The following FBN1 variants were observed in gnomAD, a reference collection of about 807,000 sequenced individuals.
FBN1 encodes fibrillin-1.
A neutral mutation model predicts 365.1 loss-of-function variants in FBN1; 29 were observed. That is an observed-to-expected ratio of 0.08 (90% confidence interval 0.06 to 0.11). The LOEUF (loss-of-function observed/expected upper bound fraction) is 0.11, where lower values mean the gene tolerates loss of function less well. Among genes scored for constraint, FBN1 ranks in the 10% least tolerant of loss-of-function variants. The probability of loss-of-function intolerance (pLI) is 1.00; values close to 1 mark genes in which losing one functional copy is unlikely to be tolerated. For synonymous variants in FBN1, 1,210 were observed against 1,270.5 expected, an observed-to-expected ratio of 0.95 and a Z score of 1.01; for missense variants, 2,476 against 3,703.2, an observed-to-expected ratio of 0.67 and a Z score of 8.60.
intron 42 of FBN1, among the ~76,000 whole-genome samples, chr15:48,461,621 A>T (rs1352501526): frequency 1.3e-5 from 2 of 152,194 alleles, no homozygotes; most frequent in East Asian, 1.9e-4. Flanking sequence ...CATAAGCTTC[A>T]GATTTTTTAC....
intron 41 of FBN1, 83 bp downstream of exon 41, chr15:48,463,816 C>T (rs2043299316): frequency 1.4e-6 from 2 of 1,439,252 alleles, no homozygotes; most frequent in South Asian, 2.4e-5. Context: ...AGTAACATCA[C>T]CCTAAGGTGA....
intron 38 of FBN1, among the ~76,000 whole-genome samples, chr15:48,466,526 A>G (rs544418774): frequency 6.6e-6 from 1 of 152,230 alleles, no homozygotes; most frequent in African/African-American, 2.4e-5. Context: ...GGACATGTGA[A>G]TAAGAATGTC....
intron 6 of FBN1, among the ~76,000 whole-genome samples, chr15:48,577,258 G>A (rs2044355707): frequency 6.6e-6 from 1 of 152,114 alleles, no homozygotes; most frequent in Admixed American, 6.6e-5. Flanking sequence ...CCTCCTGTGA[G>A]CACTTGCTGT....
At chr15:48,598,658 C>A (rs2044534437) in intron 5 of FBN1, among the ~76,000 whole-genome samples, 1 of 152,276 alleles carries the variant, frequency 6.6e-6, no homozygotes, top group East Asian at 1.9e-4. Flanking sequence ...AAGGTCCATT[C>A]CCCATCACCT....
chr15:48,545,959 G>A (rs549419370), intron 6 of FBN1, among the ~76,000 whole-genome samples: 2 of 152,088 alleles, frequency 1.3e-5, no homozygotes, highest in South Asian at 2.1e-4. Context: ...AGTGAGCCGC[G>A]ATCACACCAC....
At chr15:48,421,419 G>A in intron 62 of FBN1, 139 bp downstream of exon 62, 1 of 965,908 alleles carries the variant, frequency 1.0e-6, no homozygotes, top group Non-Finnish European at 1.6e-6. Flanking sequence ...TACAGGACCT[G>A]TGCACACTAT....
intron 8 of FBN1, among the ~76,000 whole-genome samples, chr15:48,528,297 A>G (rs2043933915): frequency 6.6e-6 from 1 of 152,222 alleles, no homozygotes; most frequent in Non-Finnish European, 1.5e-5. Context: ...TGGGGGAAAC[A>G]TCTTTTCCAT....
intron 5 of FBN1, 145 bp from the exon 6 acceptor site, chr15:48,596,523 A>C (rs967810941): frequency 4.0e-6 from 3 of 744,674 alleles, no homozygotes; most frequent in Non-Finnish European, 7.0e-6. Flanking sequence ...AGTTACACAT[A>C]CTCAGATATT....
At chr15:48,570,150 C>A (rs1483118980) in intron 6 of FBN1, among the ~76,000 whole-genome samples, 1 of 152,188 alleles carries the variant, frequency 6.6e-6, no homozygotes, top group Non-Finnish European at 1.5e-5. Context: ...CTTACACTCA[C>A]TGGATAAGTA....
intron 6 of FBN1, among the ~76,000 whole-genome samples, chr15:48,541,359 CAA>C (rs957202624): frequency 2.0e-5 from 3 of 152,078 alleles, no homozygotes; most frequent in African/African-American, 7.2e-5. Flanking sequence ...ATTTTGGAAA[CAA>C]ATTCAAACTG....
intron 15 of FBN1, 51 bp from the exon 16 acceptor site, chr15:48,505,198 T>TC: frequency 3.1e-6 from 5 of 1,609,046 alleles, no homozygotes; most frequent in Non-Finnish European, 4.3e-6. Flanking sequence ...TTATCTAAAA[T>TC]TATAACATGT....
chr15:48,582,707 G>A (rs1262412469), intron 6 of FBN1, among the ~76,000 whole-genome samples: 1 of 152,142 alleles, frequency 6.6e-6, no homozygotes, highest in Non-Finnish European at 1.5e-5. Flanking sequence ...AATGTTTGAC[G>A]CCTAAACAAA....
intron 45 of FBN1, among the ~76,000 whole-genome samples, chr15:48,449,369 A>G (rs1258776782): frequency 6.6e-6 from 1 of 152,174 alleles, no homozygotes; most frequent in Non-Finnish European, 1.5e-5. Context: ...CTGCTTGTTC[A>G]AGTTGCATCT....
chr15:48,435,972 T>C (rs2043069326), intron 53 of FBN1, among the ~76,000 whole-genome samples: 1 of 152,032 alleles, frequency 6.6e-6, no homozygotes, highest in South Asian at 2.1e-4. Flanking sequence ...TGTCAACAGT[T>C]GTTTCTTGTG....
intron 6 of FBN1, among the ~76,000 whole-genome samples, chr15:48,556,835 C>A (rs1477326169): frequency 6.6e-6 from 1 of 152,112 alleles, no homozygotes; most frequent in Non-Finnish European, 1.5e-5. Flanking sequence ...ATGTGAAATA[C>A]CTGTAATTGT....
intron 36 of FBN1, among the ~76,000 whole-genome samples, chr15:48,469,217 C>T (rs995544222): frequency 3.7e-5 from 5 of 133,896 alleles, no homozygotes; most frequent in African/African-American, 8.8e-5. Context: ...GTTGTGACCT[C>T]GGTCAACCAA....
chr15:48,465,844 G>A lies in FBN1; in HGVS notation c.4762C>T (p.Leu1588Phe), dbSNP rs2043316380. Residue 1588 changes from leucine (L) to phenylalanine (F), a missense_variant, in exon 39 of 66, where the codon CTT becomes TTT. Transcript: ENST00000316623. ...CGGAAACCTTCCCCTCCAGGACAAA[G>A]AATTTTGTACTCGGCTATTGAAACA... ...PAVNTSEYKI[L>F]CPGGEGFRPN... The A allele has an allele frequency of 6.2e-7, 1 of 1,612,732 alleles. No individual in the cohort carries two copies. The highest frequency in any genetic ancestry group is 1.1e-5 in the South Asian group (1 of 91,050).
intron 50 of FBN1, among the ~76,000 whole-genome samples, chr15:48,440,673 A>G (rs2043105213): frequency 6.6e-6 from 1 of 152,188 alleles, no homozygotes; most frequent in African/African-American, 2.4e-5. Flanking sequence ...AATAACAACA[A>G]GAGTCTACAA....
At chr15:48,457,031 T>G (rs1460939758) in intron 43 of FBN1, among the ~76,000 whole-genome samples, 1 of 152,138 alleles carries the variant, frequency 6.6e-6, no homozygotes, top group Middle Eastern at 3.2e-3. Context: ...GAGATATCTT[T>G]GTATCCTCTG....
Sources: gnomAD v4.1 joint callset for allele counts (sites outside exome capture counted in the v4.1 genomes callset) on GRCh38, gnomAD v4.1.1 for gene constraint, MANE v1.5 for transcripts, NCBI Gene and HGNC (gene_info 2026-07-23, HGNC 2026-07-21) for gene names.